The following XKR4 variants were observed in gnomAD, a reference collection of about 807,000 sequenced individuals.
The protein encoded by XKR4 is XK related 4.
In XKR4, 12 loss-of-function variants were observed where a neutral mutation model predicts 53.9. The ratio of observed to expected loss-of-function variants is 0.22; its 90% confidence interval spans 0.14 to 0.36. XKR4 has a LOEUF of 0.36. Ranked by LOEUF, XKR4 falls within the 10% of genes least tolerant of loss-of-function variation. The probability of loss-of-function intolerance (pLI) is 1.00; values close to 1 mark genes in which losing one functional copy is unlikely to be tolerated. For synonymous variants in XKR4, 354 were observed against 362.4 expected, an observed-to-expected ratio of 0.98 and a Z score of 0.26; for missense variants, 799 against 859.5, an observed-to-expected ratio of 0.93 and a Z score of 0.88.
At position 55,464,374 on chromosome 8, in the gene XKR4, A is replaced by T. The variant is rs556787174; in HGVS notation, c.1007-58907A>T. 3.4e-4 allele frequency among the ~76,000 whole-genome samples: 52 copies of T among 152,252 alleles called. 1 individual carries two copies. The South Asian group carries it at 0.01, about 30-fold the overall frequency. ...CATATAAACAGAACCAAAGACAAAA[A>T]CCACATGATTATCTCAATAGATGCA... On this transcript the variant is annotated intron_variant, in intron 2 of 2. Transcript: ENST00000327381.
At chr8:55,113,130 A>G (rs902696896) in intron 1 of XKR4, among the ~76,000 whole-genome samples, 2 of 152,272 alleles carry the variant, frequency 1.3e-5, no homozygotes, top group South Asian at 2.1e-4. Flanking sequence ...AAGAGTTACA[A>G]TTATTTAAGG....
intron 1 of XKR4, among the ~76,000 whole-genome samples, chr8:55,116,552 T>G (rs559317083): frequency 1.3e-4 from 20 of 152,284 alleles, no homozygotes; most frequent in African/African-American, 4.8e-4. Flanking sequence ...TGTCTATAGT[T>G]TAGAATAAAG....
rs1397632495 is a variant in XKR4, at chr8:55,451,681, C to T, written c.1007-71600C>T. 6 of 1,523,328 alleles carry T rather than the reference C, an allele frequency of 3.9e-6. No homozygotes were observed. In the African/African-American group the frequency reaches 8.2e-5, roughly 21 times the overall value. The allele number at this position is 1,523,328 out of a possible 1,614,324, so 94.4% of individuals were successfully genotyped here. A position where few individuals can be genotyped will look rare whatever the true frequency, so the allele number is the denominator to read the frequency against. On this transcript the variant is annotated intron_variant, in intron 2 of 2. Coordinates refer to ENST00000327381, the MANE Select transcript of XKR4 (RefSeq NM_052898.2). ...GACACTCTGGGGCACGATCAGCAGC[C>T]CCGGGTACCTGCGGTAGATGGCATG... is the stretch of plus-strand genomic sequence containing the variant.
intron 2 of XKR4, among the ~76,000 whole-genome samples, chr8:55,361,987 C>T (rs1340415068): frequency 6.6e-6 from 1 of 152,198 alleles, no homozygotes; most frequent in Non-Finnish European, 1.5e-5. Flanking sequence ...TGAACTTCAG[C>T]CCCTGATCTC....
rs1425401208 is a variant in XKR4 at position 55,527,649 on chromosome 8, A to G, written c.*3422A>G. The G allele has an allele frequency of 6.6e-6, 1 of 152,200 alleles. No individual in the cohort carries two copies. The highest frequency in any genetic ancestry group is 1.9e-4 in the East Asian group (1 of 5,198). 9.4% of individuals were successfully genotyped at this position (152,200 alleles called of 1,614,324 possible). A position where few individuals can be genotyped will look rare whatever the true frequency, so the allele number is the denominator to read the frequency against. On this transcript the variant is annotated 3_prime_UTR_variant, in exon 3 of 3. Coordinates refer to ENST00000327381, the MANE Select transcript of XKR4 (RefSeq NM_052898.2). ...TCTTTGCTTATTTACTTAACTACAT[A>G]CTGTCTAGTTCAATAGCACTGACTT... is the stretch of plus-strand genomic sequence containing the variant.
chr8:55,254,429 A>G (rs369291140), intron 1 of XKR4, among the ~76,000 whole-genome samples: 1 of 152,130 alleles, frequency 6.6e-6, no homozygotes, highest in East Asian at 1.9e-4. Flanking sequence ...CAGTTCAGAG[A>G]GTACAGGATA....
intron 1 of XKR4, among the ~76,000 whole-genome samples, chr8:55,247,934 C>A (rs1160462755): frequency 6.9e-6 from 1 of 145,300 alleles, no homozygotes; most frequent in Non-Finnish European, 1.5e-5. Flanking sequence ...CGGCTCACTG[C>A]AACCTCTGCC....
intron 1 of XKR4, among the ~76,000 whole-genome samples, chr8:55,195,516 AT>A (rs1363034464): frequency 6.6e-6 from 1 of 151,702 alleles, no homozygotes; most frequent in Non-Finnish European, 1.5e-5. Context: ...AGGAAGTACA[AT>A]GGAAATAAAA....
intron 1 of XKR4, among the ~76,000 whole-genome samples, chr8:55,126,395 T>G (rs1213999479): frequency 1.3e-5 from 2 of 152,260 alleles, no homozygotes; most frequent in Non-Finnish European, 2.9e-5. Context: ...TTGTTGTTCA[T>G]CATTGTCCAG....
At chr8:55,308,682 G>A (rs1819345591) in intron 1 of XKR4, among the ~76,000 whole-genome samples, 1 of 152,082 alleles carries the variant, frequency 6.6e-6, no homozygotes, top group African/African-American at 2.4e-5. Context: ...GAAAATTTGT[G>A]TTCATATAAA....
chr8:55,196,808 T>C (rs1817512435), intron 1 of XKR4, among the ~76,000 whole-genome samples: 1 of 152,142 alleles, frequency 6.6e-6, no homozygotes, highest in Non-Finnish European at 1.5e-5. Flanking sequence ...CAGCATAAAA[T>C]GGATAAAATG....
intron 1 of XKR4, among the ~76,000 whole-genome samples, chr8:55,296,572 G>C (rs1819104330): frequency 6.6e-6 from 1 of 151,954 alleles, no homozygotes; most frequent in African/African-American, 2.4e-5. Flanking sequence ...ATACCACACA[G>C]AAACCAAGCT....
intron 2 of XKR4, among the ~76,000 whole-genome samples, chr8:55,430,355 T>C (rs1473758657): frequency 2.0e-5 from 3 of 152,276 alleles, no homozygotes; most frequent in South Asian, 4.1e-4. Flanking sequence ...GCATCAAAAG[T>C]CATAGCAGCT....
At chr8:55,480,866 G>C (rs550696152) in intron 2 of XKR4, among the ~76,000 whole-genome samples, 72 of 151,998 alleles carry the variant, frequency 4.7e-4, no homozygotes, top group Middle Eastern at 3.4e-3. Context: ...TCTTCAAGGA[G>C]AACTACAAAC....
intron 2 of XKR4, among the ~76,000 whole-genome samples, chr8:55,442,472 T>A (rs1805284924): frequency 6.6e-6 from 1 of 152,150 alleles, no homozygotes; most frequent in African/African-American, 2.4e-5. Context: ...GAGCCAGCAA[T>A]CCCATTCCTA....
chr8:55,236,119 G>A (rs999999171), intron 1 of XKR4, among the ~76,000 whole-genome samples: 4 of 152,176 alleles, frequency 2.6e-5, no homozygotes, highest in African/African-American at 9.7e-5. Context: ...GGTGGCCCTT[G>A]CAGGACACAG....
chr8:55,515,374 C>T (rs903626058), intron 2 of XKR4, among the ~76,000 whole-genome samples: 2 of 152,130 alleles, frequency 1.3e-5, no homozygotes, highest in African/African-American at 4.8e-5. Flanking sequence ...CTGCACTCAG[C>T]AAAGATCTGA....
intron 1 of XKR4, among the ~76,000 whole-genome samples, chr8:55,286,860 A>G (rs1394825926): frequency 1.3e-5 from 2 of 152,212 alleles, no homozygotes; most frequent in Non-Finnish European, 2.9e-5. Context: ...AAATATTTAG[A>G]GCTAGATGTT....
Position 55,171,784 on chromosome 8 carries a change from G to A in XKR4, c.806+68490G>A, listed in dbSNP as rs548069948. ...CCTGGTCATAAGCCAAGTTTATGTC[G>A]CCTTCCAGTATCCCCGAGCTACATT... On this transcript the variant is annotated intron_variant, in intron 1 of 2. Coordinates refer to ENST00000327381, the MANE Select transcript of XKR4 (RefSeq NM_052898.2). Among the ~76,000 whole-genome samples, 16 of 151,952 alleles carry A rather than the reference G, an allele frequency of 1.1e-4. No homozygotes were observed. The South Asian group carries it at 1.5e-3, about 14-fold the overall frequency.
Sources: allele counts gnomAD v4.1 joint callset (sites outside exome capture counted in the v4.1 genomes callset), GRCh38; gene constraint gnomAD v4.1.1; transcripts MANE v1.5; gene names NCBI Gene and HGNC (gene_info 2026-07-23, HGNC 2026-07-21).